The following MAGI1 variants were observed in gnomAD, a reference collection of about 807,000 sequenced individuals.
The protein encoded by MAGI1 is membrane-associated guanylate kinase, WW and PDZ domain-containing protein 1.
In MAGI1, 58 loss-of-function variants were observed where a neutral mutation model predicts 139.9. That is an observed-to-expected ratio of 0.41 (90% CI 0.34 to 0.52). The LOEUF is 0.52. Among genes scored for constraint, MAGI1 ranks in the 20% least tolerant of loss-of-function variants. The pLI is 0.12. For missense variants in MAGI1, 1,874 were observed against 1,901.6 expected (o/e 0.99, Z 0.27); for synonymous variants, 812 against 737.9 (o/e 1.10, Z -1.63).
intron 2 of MAGI1, among the ~76,000 whole-genome samples, chr3:65,557,270 T>C (rs2080131043): frequency 6.6e-6 from 1 of 152,244 alleles, no homozygotes; most frequent in South Asian, 2.1e-4. Context: ...ATTCTCTCTG[T>C]CTTCCTCTTG....
intron 4 of MAGI1, among the ~76,000 whole-genome samples, chr3:65,475,170 G>GA (rs1950816230): frequency 6.6e-6 from 1 of 151,754 alleles, no homozygotes; most frequent in African/African-American, 2.4e-5. Flanking sequence ...GTTCATGAAT[G>GA]AATCTGTTAC....
intron 5 of MAGI1, among the ~76,000 whole-genome samples, chr3:65,457,786 C>T (rs1056972131): frequency 1.3e-5 from 2 of 152,078 alleles, no homozygotes; most frequent in African/African-American, 2.4e-5. Flanking sequence ...AGCATTTATT[C>T]TATGTTACAA....
At chr3:65,394,246 C>G (rs1438942670) in intron 13 of MAGI1, among the ~76,000 whole-genome samples, 1 of 152,118 alleles carries the variant, frequency 6.6e-6, no homozygotes, top group Non-Finnish European at 1.5e-5. Flanking sequence ...TTATAACACC[C>G]TTTCTCACCT....
chr3:65,692,330 T>A (rs908064398), intron 1 of MAGI1, among the ~76,000 whole-genome samples: 3 of 152,304 alleles, frequency 2.0e-5, no homozygotes, highest in Middle Eastern at 3.4e-3. Context: ...TTAGCAGATA[T>A]TTGCTGATGG....
At chr3:65,644,000 T>C (rs1166986819) in intron 1 of MAGI1, among the ~76,000 whole-genome samples, 1 of 152,120 alleles carries the variant, frequency 6.6e-6, no homozygotes, top group African/African-American at 2.4e-5. Flanking sequence ...TTCATCATCT[T>C]TGGAGACCCC....
chr3:65,401,240 T>C (rs556292122), intron 13 of MAGI1, among the ~76,000 whole-genome samples, 199 bp downstream of exon 13: 29 of 152,268 alleles, frequency 1.9e-4, no homozygotes, highest in Middle Eastern at 3.4e-3. Flanking sequence ...CAAATCACTA[T>C]ACAGTTAAAG....
At chr3:65,870,632 G>A (rs1245183794) in intron 1 of MAGI1, among the ~76,000 whole-genome samples, 1 of 145,764 alleles carries the variant, frequency 6.9e-6, no homozygotes, top group Non-Finnish European at 1.5e-5. Context: ...AAAGACAGGA[G>A]AGAGGCAGGG....
At chr3:65,564,940 C>A (rs2108034834) in intron 2 of MAGI1, among the ~76,000 whole-genome samples, 1 of 152,298 alleles carries the variant, frequency 6.6e-6, no homozygotes, top group African/African-American at 2.4e-5. Flanking sequence ...GTGGGGGCTC[C>A]ATCTCCTGAA....
At chr3:65,610,524 C>CT (rs1264408633) in intron 2 of MAGI1, among the ~76,000 whole-genome samples, 5 of 150,478 alleles carry the variant, frequency 3.3e-5, no homozygotes, top group East Asian at 3.9e-4. Flanking sequence ...ACAGATATAT[C>CT]TTTTTTTTTC....
At chr3:65,559,269 G>A (rs1052781742) in intron 2 of MAGI1, among the ~76,000 whole-genome samples, 1 of 152,116 alleles carries the variant, frequency 6.6e-6, no homozygotes, top group Non-Finnish European at 1.5e-5. Context: ...CAAATTAGAG[G>A]ATTAAATAAT....
intron 1 of MAGI1, among the ~76,000 whole-genome samples, chr3:65,712,737 C>G (rs2031656114): frequency 6.6e-6 from 1 of 152,106 alleles, no homozygotes; most frequent in Non-Finnish European, 1.5e-5. Flanking sequence ...GTCTCAAACT[C>G]CTGGCCTCAA....
intron 2 of MAGI1, among the ~76,000 whole-genome samples, chr3:65,598,229 G>A (rs1162727230): frequency 6.6e-6 from 1 of 152,146 alleles, no homozygotes; most frequent in African/African-American, 2.4e-5. Context: ...CCTGCGGAGG[G>A]GGCGGGGACT....
At chr3:65,422,915 TCTGACATGAGGAA>T (rs1946732492) in intron 12 of MAGI1, among the ~76,000 whole-genome samples, 1 of 152,084 alleles carries the variant, frequency 6.6e-6, no homozygotes, top group Non-Finnish European at 1.5e-5. Flanking sequence ...GGGAAGCTAT[TCTGACATGAGGAA>T]CTGCCTTGAT....
intron 1 of MAGI1, among the ~76,000 whole-genome samples, chr3:65,750,091 G>T (rs1261671648): frequency 6.6e-6 from 1 of 152,168 alleles, no homozygotes; most frequent in Non-Finnish European, 1.5e-5. Context: ...GGGTGCTGAG[G>T]CTGGGACACA....
At chr3:65,732,004 C>G (rs1349493778) in intron 1 of MAGI1, among the ~76,000 whole-genome samples, 1 of 152,146 alleles carries the variant, frequency 6.6e-6, no homozygotes, top group East Asian at 1.9e-4. Context: ...TTAAACAATT[C>G]TATTTTAAGT....
At chr3:65,707,582 T>C (rs2030563251) in intron 1 of MAGI1, among the ~76,000 whole-genome samples, 1 of 150,392 alleles carries the variant, frequency 6.6e-6, no homozygotes, top group Non-Finnish European at 1.5e-5. Flanking sequence ...CCCAGCTACT[T>C]GGGAGGCTGA....
At chr3:65,580,973 G>A (rs573838853) in intron 2 of MAGI1, among the ~76,000 whole-genome samples, 3 of 152,162 alleles carry the variant, frequency 2.0e-5, no homozygotes, top group South Asian at 2.1e-4. Flanking sequence ...TCTCAGTAAC[G>A]GATGACTCCA....
intron 2 of MAGI1, among the ~76,000 whole-genome samples, chr3:65,575,859 CTT>C (rs1559685459): frequency 6.6e-6 from 1 of 152,072 alleles, no homozygotes; most frequent in African/African-American, 2.4e-5. Flanking sequence ...ATAAAACAAA[CTT>C]AGCACCAGAT....
intron 1 of MAGI1, among the ~76,000 whole-genome samples, chr3:66,019,138 G>T (rs2067830685): frequency 6.6e-6 from 1 of 152,218 alleles, no homozygotes; most frequent in African/African-American, 2.4e-5. Flanking sequence ...CAGTGGAACA[G>T]ATAATAGGCA....
Sources: allele counts gnomAD v4.1 joint callset (sites outside exome capture counted in the v4.1 genomes callset), GRCh38; gene constraint gnomAD v4.1.1; transcripts MANE v1.5; gene names NCBI Gene and HGNC (gene_info 2026-07-23, HGNC 2026-07-21).